CCDC85A: variants seen among roughly 807,000 people sequenced by gnomAD.
The protein encoded by CCDC85A is coiled-coil domain containing 85A.
A neutral mutation model predicts 50.2 loss-of-function variants in CCDC85A; 38 were observed. The ratio of observed to expected loss-of-function variants is 0.76; its 90% confidence interval spans 0.58 to 0.99. The LOEUF (loss-of-function observed/expected upper bound fraction) is 0.99. Ranked by LOEUF, CCDC85A falls within the 50% of genes least tolerant of loss-of-function variation. CCDC85A has a pLI of 0.00. For synonymous variants in CCDC85A, 366 were observed against 301.4 expected (o/e 1.21, Z -2.22); for missense variants, 820 against 742.0 (o/e 1.11, Z -1.22).
chr2:56,253,842 T>C (rs955340788), intron 2 of CCDC85A, among the ~76,000 whole-genome samples: 1 of 152,132 alleles, frequency 6.6e-6, no homozygotes, highest in African/African-American at 2.4e-5. Context: ...GTTGCTGAGA[T>C]TGTGTGCTAG....
At chr2:56,370,689 G>T (rs550418922) in intron 3 of CCDC85A, among the ~76,000 whole-genome samples, 1 of 152,032 alleles carries the variant, frequency 6.6e-6, no homozygotes, top group Non-Finnish European at 1.5e-5. Flanking sequence ...GCTAAATGGC[G>T]CTCATGCCAG....
At chr2:56,282,252 T>C (rs1218648693) in intron 2 of CCDC85A, among the ~76,000 whole-genome samples, 1 of 152,130 alleles carries the variant, frequency 6.6e-6, no homozygotes, top group Non-Finnish European at 1.5e-5. Context: ...TTTTAGATTC[T>C]GTTGTTATGT....
intron 2 of CCDC85A, among the ~76,000 whole-genome samples, chr2:56,226,284 A>G (rs897499568): frequency 6.6e-6 from 1 of 152,176 alleles, no homozygotes; most frequent in African/African-American, 2.4e-5. Flanking sequence ...TCAATAATAG[A>G]TGTTATGAGG....
intron 2 of CCDC85A, among the ~76,000 whole-genome samples, chr2:56,306,321 T>TAAAC (rs1189023548): frequency 3.9e-5 from 6 of 152,020 alleles, no homozygotes; most frequent in African/African-American, 1.2e-4. Flanking sequence ...AGAGACTGGG[T>TAAAC]TTCACCATGT....
intron 2 of CCDC85A, among the ~76,000 whole-genome samples, chr2:56,339,282 C>T (rs1387801084): frequency 1.3e-5 from 2 of 152,140 alleles, no homozygotes; most frequent in African/African-American, 2.4e-5. Context: ...TGCTCTGTCT[C>T]TTCCTGTCCC....
intron 5 of CCDC85A, chr2:56,383,438 T>G (rs1218323747): frequency 4.9e-6 from 1 of 204,216 alleles, no homozygotes; most frequent in Non-Finnish European, 8.6e-6. Context: ...CAATCAATGT[T>G]AGTGTATTGA....
chr2:56,340,678 C>G (rs1337469865), intron 2 of CCDC85A, among the ~76,000 whole-genome samples: 1 of 151,852 alleles, frequency 6.6e-6, no homozygotes, highest in Non-Finnish European at 1.5e-5. Context: ...GAGTTCGAGA[C>G]CAGCCTGACC....
intron 2 of CCDC85A, among the ~76,000 whole-genome samples, chr2:56,342,422 G>C (rs1674417980): frequency 6.6e-6 from 1 of 152,118 alleles, no homozygotes; most frequent in Non-Finnish European, 1.5e-5. Flanking sequence ...CTGGATTTCG[G>C]TATTAGATTC....
At chr2:56,321,864 G>C (rs543975331) in intron 2 of CCDC85A, among the ~76,000 whole-genome samples, 15 of 152,116 alleles carry the variant, frequency 9.9e-5, no homozygotes, top group Non-Finnish European at 1.5e-5. Context: ...AACAAAGCTG[G>C]AGGCATCAAG....
intron 2 of CCDC85A, among the ~76,000 whole-genome samples, chr2:56,275,469 ATCATATAGACCTTACACCAGCTATTT>A (rs1670889737): frequency 1.5e-5 from 1 of 66,812 alleles, no homozygotes; most frequent in Admixed American, 2.9e-4. Context: ...GCTATTTAAC[ATCATATAGACCTTACACCAGCTATTT>A]AACATCATAT....
chr2:56,236,076 C>T (rs1669002807), intron 2 of CCDC85A, among the ~76,000 whole-genome samples: 1 of 152,080 alleles, frequency 6.6e-6, no homozygotes, highest in Non-Finnish European at 1.5e-5. Flanking sequence ...AGAAAAAAGG[C>T]TGAAAATACA....
At chr2:56,285,029 G>A (rs1449080306) in intron 2 of CCDC85A, among the ~76,000 whole-genome samples, 1 of 151,404 alleles carries the variant, frequency 6.6e-6, no homozygotes, top group South Asian at 2.1e-4. Context: ...CAAAATGTTG[G>A]ATTTTGTGTT....
chr2:56,299,966 C>G (rs1158477894), intron 2 of CCDC85A, among the ~76,000 whole-genome samples: 1 of 152,124 alleles, frequency 6.6e-6, no homozygotes, highest in Non-Finnish European at 1.5e-5. Context: ...GTAGTAGGCC[C>G]TGTTCTAGAA....
chr2:56,298,267 T>C (rs904043571), intron 2 of CCDC85A, among the ~76,000 whole-genome samples: 4 of 152,086 alleles, frequency 2.6e-5, no homozygotes, highest in Non-Finnish European at 4.4e-5. Flanking sequence ...CTGAGTTTGA[T>C]AGAAGGTAAT....
chr2:56,200,446 T>G (rs907924101), intron 2 of CCDC85A, among the ~76,000 whole-genome samples: 6 of 152,234 alleles, frequency 3.9e-5, no homozygotes, highest in African/African-American at 1.4e-4. Flanking sequence ...AAGAGTAGAC[T>G]ACGGGACACT....
chr2:56,333,956 A>G (rs952992403), intron 2 of CCDC85A, among the ~76,000 whole-genome samples: 15 of 152,178 alleles, frequency 9.9e-5, no homozygotes, highest in African/African-American at 3.6e-4. Context: ...ATTCCAGAAT[A>G]TGGGTCTTCC....
At chr2:56,193,506 T>G in intron 2 of CCDC85A, 66 bp downstream of exon 2, 2 of 1,479,852 alleles carry the variant, frequency 1.4e-6, no homozygotes, top group Non-Finnish European at 1.8e-6. Flanking sequence ...CGAATGATGA[T>G]GGACTTTCCA....
At chr2:56,335,835 C>T (rs965009283) in intron 2 of CCDC85A, among the ~76,000 whole-genome samples, 8 of 151,996 alleles carry the variant, frequency 5.3e-5, no homozygotes, top group East Asian at 1.9e-4. Context: ...CTCCTGACCT[C>T]GTGGTCCGCC....
chr2:56,193,301 A>AG lies in CCDC85A; in HGVS notation c.1104dup (p.Ser369GlufsTer3). The AG allele has an allele frequency of 1.2e-6, 2 of 1,613,766 alleles. No individual in the cohort carries two copies. Among genetic ancestry groups the AG allele is most frequent in the Non-Finnish European group, 1.7e-6 (2 of 1,179,788 alleles). ...CGGAGCACCTCAAACAACATTATGGAGGGAGCCCTGATCACAAACACGGAG... is the reference window on the plus strand; with the variant it reads ...CGGAGCACCTCAAACAACATTATGGAGGGGAGCCCTGATCACAAACACGGAG... On this transcript the variant is annotated frameshift_variant, in exon 2 of 6. Transcript: ENST00000407595. LOFTEE classifies it high-confidence loss of function.
Sources: gnomAD v4.1 joint callset for allele counts (sites outside exome capture counted in the v4.1 genomes callset) on GRCh38, gnomAD v4.1.1 for gene constraint, MANE v1.5 for transcripts, NCBI Gene and HGNC (gene_info 2026-07-23, HGNC 2026-07-21) for gene names.